Variants in CSNK1A1 observed in about 807,000 individuals in gnomAD.
CSNK1A1 encodes casein kinase I isoform alpha.
In CSNK1A1, 7 loss-of-function variants were observed where a neutral mutation model predicts 46.1. The ratio of observed to expected loss-of-function variants is 0.15; its 90% CI spans 0.09 to 0.29. The LOEUF is 0.29. Among genes scored for constraint, CSNK1A1 ranks in the 10% least tolerant of loss-of-function variants. The pLI is 1.00. For synonymous variants in CSNK1A1, 137 were observed against 141.5 expected (o/e 0.97, Z 0.23); for missense variants, 96 against 417.1 (o/e 0.23, Z 6.71).
At chr5:149,499,597 T>TA (rs1202450638) in intron 9 of CSNK1A1, among the ~76,000 whole-genome samples, 2 of 150,736 alleles carry the variant, frequency 1.3e-5, no homozygotes, top group Non-Finnish European at 3.0e-5. Context: ...CTTTGTCTAT[T>TA]AAAAAAATAA....
intron 2 of CSNK1A1, chr5:149,549,382 T>C: frequency 1.5e-6 from 1 of 679,054 alleles, no homozygotes; most frequent in Non-Finnish European, 2.7e-6. Flanking sequence ...ATAGTGTAAT[T>C]CAACAATTTC....
intron 4 of CSNK1A1, among the ~76,000 whole-genome samples, chr5:149,514,725 T>C (rs1761346011): frequency 6.6e-6 from 1 of 152,200 alleles, no homozygotes; most frequent in Non-Finnish European, 1.5e-5. Context: ...GTAACATCTA[T>C]TTCAGCCAAG....
At chr5:149,513,245 A>T (rs1415724077) in intron 4 of CSNK1A1, 36 bp from the exon 5 acceptor site, 7 of 1,584,128 alleles carry the variant, frequency 4.4e-6, no homozygotes, top group Non-Finnish European at 5.2e-6. Flanking sequence ...TAGGTTTCCA[A>T]CCTTGTTCAA....
chr5:149,529,351 T>C (rs1382791010), intron 2 of CSNK1A1, among the ~76,000 whole-genome samples: 3 of 152,352 alleles, frequency 2.0e-5, no homozygotes, highest in African/African-American at 7.2e-5. Flanking sequence ...TCTATCTCTC[T>C]GCTCTTATGT....
intron 5 of CSNK1A1, 36 bp downstream of exon 5, chr5:149,513,034 A>G (rs1761280026): frequency 6.2e-7 from 1 of 1,609,590 alleles, no homozygotes; most frequent in Admixed American, 1.7e-5. Context: ...GGCTTCTGCT[A>G]TGGCTATGAT....
intron 9 of CSNK1A1, chr5:149,501,782 T>C: frequency 1.0e-6 from 1 of 982,798 alleles, no homozygotes; most frequent in Non-Finnish European, 1.2e-6. Flanking sequence ...ATTTTGAATG[T>C]CCTAAAAATA....
At chr5:149,496,901 G>A in intron 9 of CSNK1A1, 41 bp from the exon 10 acceptor site, 1 of 1,529,860 alleles carries the variant, frequency 6.5e-7, no homozygotes, top group Non-Finnish European at 8.7e-7. Flanking sequence ...AAAATTCCAA[G>A]TCAAAAATTT....
Position 149,525,663 on chromosome 5 carries a change from C to T in CSNK1A1, c.231-492G>A, listed in dbSNP as rs1354332719. On this transcript the variant is annotated intron_variant, in intron 2 of 9. Coordinates refer to ENST00000377843, the MANE Select transcript of CSNK1A1 (RefSeq NM_001892.6). This position sits in a 1 kb window ranked among gnomAD's most constrained non-coding sequence, Gnocchi z 4.2. ...TTATTCAAAAAGGAGTCACATTTTT[C>T]CTTGGCTTCAGATCACAGAAAATAA... Among the ~76,000 whole-genome samples, 1 of 152,154 alleles carries T rather than the reference C, an allele frequency of 6.6e-6. No homozygotes were observed. Among genetic ancestry groups the T allele is most frequent in the East Asian group, 1.9e-4 (1 of 5,206 alleles).
At chr5:149,523,491 G>C (rs1324857190) in intron 3 of CSNK1A1, among the ~76,000 whole-genome samples, 1 of 152,234 alleles carries the variant, frequency 6.6e-6, no homozygotes, top group African/African-American at 2.4e-5. Context: ...TGGATTACAG[G>C]CGTGAGCCAG....
At chr5:149,502,242 T>C in intron 9 of CSNK1A1, 1 of 946,996 alleles carries the variant, frequency 1.1e-6, no homozygotes. Context: ...TTTCCTACAT[T>C]AGAGATTTAC....
chr5:149,542,592 TTATATATATATATATATATATA>T (rs1160379269), intron 2 of CSNK1A1, among the ~76,000 whole-genome samples: 1,333 of 26,650 alleles, frequency 0.05, 106 homozygotes, highest in Admixed American at 0.069. Flanking sequence ...AGATACAAAT[TTATATATATATATATATATATA>T]TATATATATA....
intron 4 of CSNK1A1, among the ~76,000 whole-genome samples, chr5:149,514,447 T>TA (rs1386241651): frequency 6.6e-6 from 1 of 152,236 alleles, no homozygotes; most frequent in Non-Finnish European, 1.5e-5. Context: ...CCTATTATGC[T>TA]ATATTTTAAT....
chr5:149,509,493 CGG>C (rs997470943), intron 7 of CSNK1A1, among the ~76,000 whole-genome samples: 9 of 152,172 alleles, frequency 5.9e-5, no homozygotes, highest in Non-Finnish European at 1.0e-4. Context: ...TGGAGCCTCC[CGG>C]GCTCAAGTGA....
At chr5:149,549,966 G>GT (rs1762603948) in intron 2 of CSNK1A1, 109 bp downstream of exon 2, 1 of 1,319,328 alleles carries the variant, frequency 7.6e-7, no homozygotes, top group African/African-American at 1.5e-5. Flanking sequence ...GGGAACCCAG[G>GT]TAACTAAAAC....
chr5:149,542,670 A>ACG (rs1762332791), intron 2 of CSNK1A1, among the ~76,000 whole-genome samples: 1 of 9,098 alleles, frequency 1.1e-4, no homozygotes, highest in Non-Finnish European at 1.8e-4. Context: ...ATATATATAT[A>ACG]TGTATATATA....
At chr5:149,508,644 T>C (rs1761113123) in intron 7 of CSNK1A1, among the ~76,000 whole-genome samples, 1 of 152,238 alleles carries the variant, frequency 6.6e-6, no homozygotes, top group African/African-American at 2.4e-5. Context: ...TATTCCTGTA[T>C]TGTTGGACAG....
intron 2 of CSNK1A1, among the ~76,000 whole-genome samples, chr5:149,546,641 A>G (rs925890154): frequency 2.0e-5 from 3 of 152,140 alleles, no homozygotes; most frequent in African/African-American, 7.2e-5. Context: ...CAAAAAAAAA[A>G]AAAGCAAATC....
At chr5:149,498,209 T>C in intron 9 of CSNK1A1, 9 of 985,190 alleles carry the variant, frequency 9.1e-6, no homozygotes, top group Non-Finnish European at 1.1e-5. Context: ...AATATTTATT[T>C]CTTATGCATA....
chr5:149,537,338 T>C (rs1176262186), intron 2 of CSNK1A1, among the ~76,000 whole-genome samples: 1 of 152,230 alleles, frequency 6.6e-6, no homozygotes, highest in Non-Finnish European at 1.5e-5. Flanking sequence ...ATCGTGCCAC[T>C]GTACTCCAGC....
Sources: gnomAD v4.1 joint callset for allele counts (sites outside exome capture counted in the v4.1 genomes callset) on GRCh38, gnomAD v4.1.1 for gene constraint, Gnocchi (gnomAD v3.1) non-coding constraint, MANE v1.5 for transcripts, NCBI Gene and HGNC (gene_info 2026-07-23, HGNC 2026-07-21) for gene names.